The following GFPT2 variants were observed in gnomAD, a reference collection of about 807,000 sequenced individuals.
The protein encoded by GFPT2 is glutamine--fructose-6-phosphate transaminase 2, also known as glutamine--fructose-6-phosphate aminotransferase [isomerizing] 2.
A neutral mutation model predicts 85.6 loss-of-function variants in GFPT2; 62 were observed. That is an observed-to-expected ratio of 0.72 (90% CI 0.59 to 0.90). GFPT2 has a LOEUF of 0.90. GFPT2 is among the 40% of genes least tolerant of loss of function. GFPT2 has a pLI of 0.00. For synonymous variants in GFPT2, 368 were observed against 344.5 expected, an observed-to-expected ratio of 1.07 and a Z score of -0.75; for missense variants, 788 against 893.4, an observed-to-expected ratio of 0.88 and a Z score of 1.50.
intron 13 of GFPT2, 68 bp from the exon 14 acceptor site, chr5:180,314,032 C>G: frequency 6.9e-7 from 1 of 1,439,430 alleles, no homozygotes; most frequent in Admixed American, 2.4e-5. Context: ...CCCCTTCCTC[C>G]TTCACCGCCG....
chr5:180,321,934 C>T (rs1395857641), intron 9 of GFPT2, among the ~76,000 whole-genome samples: 1 of 152,136 alleles, frequency 6.6e-6, no homozygotes, highest in African/African-American at 2.4e-5. Flanking sequence ...CAGGCCTCCG[C>T]CACCACGCCC....
Position 180,330,253 on chromosome 5 carries a change from T to C in GFPT2, c.534+447A>G, listed in dbSNP as rs1335642828. ...AGGAGGACTGCCTGAACCTGGGAGG[T>C]GGAGGTTGCAGTGAGCCAAGATCAC... is the stretch of plus-strand genomic sequence containing the variant. On this transcript the variant is annotated intron_variant, in intron 6 of 18. Transcript: ENST00000253778. The surrounding 1 kb of genome is among the most constrained non-coding windows in gnomAD (Gnocchi z 4.4). 6.6e-6 allele frequency among the ~76,000 whole-genome samples: 1 copy of C among 151,822 alleles called. No homozygotes were observed. Among genetic ancestry groups the C allele is most frequent in the Non-Finnish European group, 1.5e-5 (1 of 67,960 alleles).
At chr5:180,352,071 A>C (rs1267499071) in intron 1 of GFPT2, among the ~76,000 whole-genome samples, 1 of 152,122 alleles carries the variant, frequency 6.6e-6, no homozygotes, top group East Asian at 1.9e-4. Flanking sequence ...ATTTTAGCTG[A>C]GGGTTCAGGA....
chr5:180,324,851 A>G lies in GFPT2; in HGVS notation c.641T>C (p.Leu214Pro), dbSNP rs752106702. Residue 214 changes from leucine (L) to proline (P), a missense_variant, in exon 8 of 19, where the codon CTC becomes CCC. By Grantham distance (98) the Leu-to-Pro change is moderately conservative. Transcript: ENST00000253778. ...LLIGVRSKYK[L>P]STEQIPILYR... ...TAAGATAGGGATCTGTTCTGTGGAG[A>G]GCTTGTATTTGCTCCGGACTCCGAT... 6.2e-7 allele frequency: 1 copy of G among 1,611,878 alleles called. No homozygotes were observed. The highest frequency in any genetic ancestry group is 1.7e-5 in the Admixed American group (1 of 59,996).
intron 1 of GFPT2, chr5:180,352,232 C>T: frequency 2.8e-6 from 1 of 360,460 alleles, no homozygotes. Flanking sequence ...GGGCGCACCC[C>T]ACCCCGGCCC....
At position 180,304,781 on chromosome 5, in the gene GFPT2, C is replaced by A. The variant is rs567006958; in HGVS notation, c.1833G>T (p.Thr611=). The change falls in exon 17 of 19, where the codon ACG becomes ACT. Residue 611 remains threonine, a synonymous_variant. Coordinates refer to ENST00000253778, the MANE Select transcript of GFPT2 (RefSeq NM_005110.4). ...AKCQNALQQV[T]ARQGRPIILC... Reference sequence around the variant, plus strand: ...AGTGGAGAGCCCTCACCTGGCGGGCCGTGACTTGCTGCAGGGCGTTCTGGC... The same window carrying A: ...AGTGGAGAGCCCTCACCTGGCGGGCAGTGACTTGCTGCAGGGCGTTCTGGC... 1.3e-5 allele frequency: 21 copies of A among 1,612,924 alleles called. No individual in the cohort carries two copies. The highest frequency in any genetic ancestry group is 1.7e-5 in the Non-Finnish European group (20 of 1,179,476).
chr5:180,332,490 T>C (rs1038982902), intron 4 of GFPT2, among the ~76,000 whole-genome samples: 8 of 152,084 alleles, frequency 5.3e-5, no homozygotes, highest in African/African-American at 1.9e-4. Flanking sequence ...TTCATAAATA[T>C]TGACTATTTT....
chr5:180,332,759 C>T (rs550058217), intron 4 of GFPT2, among the ~76,000 whole-genome samples: 313 of 152,194 alleles, frequency 2.1e-3, no homozygotes, highest in Admixed American at 3.3e-3. Context: ...AGGCTGGTCT[C>T]GAACTCCTGA....
Position 180,328,429 on chromosome 5 carries a change from C to G in GFPT2, c.535-91G>C. On this transcript the variant is annotated intron_variant, in intron 6 of 18. Transcript: ENST00000253778. This position sits in a 1 kb window ranked among gnomAD's most constrained non-coding sequence, Gnocchi z 5.4. ...CCAGGTGCGTCTCCCTGGGCCCCTC[C>G]TGATGGCGGGAGGTCCTGGGGTCCC... The G allele has an allele frequency of 9.9e-7, 1 of 1,008,064 alleles. No homozygotes were observed. The highest frequency in any genetic ancestry group is 1.3e-5 in the South Asian group (1 of 77,824). The allele number at this position is 1,008,064 out of a possible 1,614,324, so 62.4% of individuals were successfully genotyped here. A position where few individuals can be genotyped will look rare whatever the true frequency, so the allele number is the denominator to read the frequency against.
At position 180,328,137 on chromosome 5, in the gene GFPT2, C is replaced by T. The variant is rs545662626; in HGVS notation, c.596+140G>A. On this transcript the variant is annotated intron_variant, in intron 7 of 18. Transcript: ENST00000253778. This position sits in a 1 kb window ranked among gnomAD's most constrained non-coding sequence, Gnocchi z 5.4. ...CATGGAGATGGTGGGGCGCGGTCCC[C>T]GGGGCTGAGCCACAGTTGTTCTTTA... 3.6e-5 allele frequency: 22 copies of T among 611,160 alleles called. No homozygotes were observed. The highest frequency in any genetic ancestry group is 1.4e-4 in the Admixed American group (5 of 36,340). 37.9% of individuals were successfully genotyped at this position (611,160 alleles called of 1,614,324 possible).
At chr5:180,325,850 C>A (rs553846269) in intron 7 of GFPT2, among the ~76,000 whole-genome samples, 431 of 152,224 alleles carry the variant, frequency 2.8e-3, no homozygotes, top group Non-Finnish European at 4.7e-3. Context: ...CATGGCGGAA[C>A]CCTGTCTCTA....
chr5:180,310,820 T>C (rs1581369361), intron 15 of GFPT2, among the ~76,000 whole-genome samples: 1 of 98,222 alleles, frequency 1.0e-5, no homozygotes, highest in East Asian at 3.0e-4. Context: ...CCTTTGCAAA[T>C]GTGGACACAG....
chr5:180,317,364 C>T (rs1447665210), intron 10 of GFPT2, among the ~76,000 whole-genome samples: 1 of 152,348 alleles, frequency 6.6e-6, no homozygotes, highest in East Asian at 1.9e-4. Context: ...AAGTAAAGTG[C>T]TTCACTCCCA....
At chr5:180,327,214 C>T (rs1428836919) in intron 7 of GFPT2, among the ~76,000 whole-genome samples, 1 of 152,168 alleles carries the variant, frequency 6.6e-6, no homozygotes, top group African/African-American at 2.4e-5. Flanking sequence ...GCACTGAGGC[C>T]ATTTAGAGCC....
chr5:180,316,543 G>T (rs559228702), intron 12 of GFPT2, 82 bp from the exon 13 acceptor site: 9 of 1,491,346 alleles, frequency 6.0e-6, no homozygotes, highest in Non-Finnish European at 8.4e-6. Flanking sequence ...TCTAGGGACA[G>T]TTTGTGACAC....
intron 1 of GFPT2, among the ~76,000 whole-genome samples, chr5:180,340,812 C>T (rs1581388557): frequency 1.3e-5 from 2 of 152,254 alleles, no homozygotes; most frequent in East Asian, 1.9e-4. Context: ...CCACGCCTGG[C>T]TCCGCAGTTT....
In GFPT2 at chr5:180,328,782, C is replaced by A. The variant is rs1405689160; in HGVS notation, c.535-444G>T. Among the ~76,000 whole-genome samples, 1 of 152,190 alleles carries A rather than the reference C, an allele frequency of 6.6e-6. No homozygotes were observed. Among genetic ancestry groups the A allele is most frequent in the Non-Finnish European group, 1.5e-5 (1 of 68,026 alleles). The stretch of plus-strand genomic sequence containing the variant: ...GGCTCCACCCCTGCACTGGGCTCTC[C>A]CTTTAGCCTTCTTGGCGCCTCGTTC... On this transcript the variant is annotated intron_variant, in intron 6 of 18. Coordinates refer to ENST00000253778, the MANE Select transcript of GFPT2 (RefSeq NM_005110.4). The surrounding 1 kb of genome is among the most constrained non-coding windows in gnomAD (Gnocchi z 5.4).
In GFPT2 at chr5:180,316,260, G is replaced by T. The variant is rs118088798; in HGVS notation, c.1273+81C>A. ...CGCAGCACAGGGTAGCCATGCAGAG[G>T]ACTTAACTGAATGAAGGAGAAGAGG... is the stretch of plus-strand genomic sequence containing the variant. On this transcript the variant is annotated intron_variant, in intron 13 of 18. Coordinates refer to ENST00000253778, the MANE Select transcript of GFPT2 (RefSeq NM_005110.4). 5.0e-3 allele frequency: 6,970 copies of T among 1,407,676 alleles called. 117 individuals are homozygous for T. Among genetic ancestry groups the T allele is most frequent in the East Asian group, 0.049 (2,141 of 43,698 alleles). 87.2% of individuals were successfully genotyped at this position (1,407,676 alleles called of 1,614,324 possible).
chr5:180,346,727 TGAA>T (rs1403142576), intron 1 of GFPT2, among the ~76,000 whole-genome samples: 1 of 152,184 alleles, frequency 6.6e-6, no homozygotes, highest in Admixed American at 6.5e-5. Flanking sequence ...CTACCCCAGA[TGAA>T]GATCTTTTCC....
Sources: allele counts gnomAD v4.1 joint callset (sites outside exome capture counted in the v4.1 genomes callset), GRCh38; gene constraint gnomAD v4.1.1; non-coding constraint Gnocchi (gnomAD v3.1); transcripts MANE v1.5; gene names NCBI Gene and HGNC (gene_info 2026-07-23, HGNC 2026-07-21).